MTMR7: variants seen among roughly 807,000 people sequenced by gnomAD.
MTMR7 encodes phosphatidylinositol-3-phosphate phosphatase MTMR7.
Under a neutral mutation model 81.2 loss-of-function variants are expected in MTMR7, and 76 were observed. The ratio of observed to expected loss-of-function variants is 0.94; its 90% CI spans 0.78 to 1.13. The LOEUF (loss-of-function observed/expected upper bound fraction) is 1.13. Among genes scored for constraint, MTMR7 ranks in the 50% most tolerant of loss-of-function variants. The pLI, the probability that MTMR7 is intolerant of heterozygous loss-of-function variation, is 0.00. For missense variants in MTMR7, 1,044 were observed against 820.0 expected (o/e 1.27, Z -3.34); for synonymous variants, 372 against 289.8 (o/e 1.28, Z -2.88).
chr8:17,401,278 G>C (rs376503444), intron 1 of MTMR7, among the ~76,000 whole-genome samples: 79 of 152,232 alleles, frequency 5.2e-4, no homozygotes, highest in Middle Eastern at 3.4e-3. Flanking sequence ...AAAAAAGTGT[G>C]GGAGCAAACC....
At chr8:17,381,206 A>AG (rs1563369719) in intron 1 of MTMR7, among the ~76,000 whole-genome samples, 1 of 151,896 alleles carries the variant, frequency 6.6e-6, no homozygotes, top group African/African-American at 2.4e-5. Flanking sequence ...GGTTAGACTG[A>AG]GGGGAAAAAA....
intron 4 of MTMR7, among the ~76,000 whole-genome samples, chr8:17,350,660 C>T (rs532588763): frequency 3.3e-5 from 5 of 152,294 alleles, no homozygotes; most frequent in Admixed American, 3.3e-4. Flanking sequence ...CCACCTTTAT[C>T]ACTCTGGAAG....
At chr8:17,387,244 T>G (rs527430433) in intron 1 of MTMR7, among the ~76,000 whole-genome samples, 13 of 152,338 alleles carry the variant, frequency 8.5e-5, no homozygotes, top group African/African-American at 3.1e-4. Flanking sequence ...ATCTGTTTCT[T>G]CCTCTACCAA....
rs987287344 is a variant in MTMR7, at chr8:17,297,557, T to TATTTA, written c.*2300_*2304dup. ...CTGGGTCATGGTCAAAATTCTTACC[T>TATTTA]ATTTATTTCATATCAACTTTAAAAA... is the stretch of plus-strand genomic sequence containing the variant. On this transcript the variant is annotated 3_prime_UTR_variant, in exon 14 of 14. Coordinates refer to ENST00000180173, the MANE Select transcript of MTMR7 (RefSeq NM_004686.5). 1 of 47,612 alleles carries TATTTA rather than the reference T, an allele frequency of 2.1e-5. No individual in the cohort carries two copies. The highest frequency in any genetic ancestry group is 3.4e-5 in the Non-Finnish European group (1 of 29,028). 2.9% of individuals were successfully genotyped at this position (47,612 alleles called of 1,614,324 possible). A position where few individuals can be genotyped will look rare whatever the true frequency, so the allele number is the denominator to read the frequency against.
intron 7 of MTMR7, among the ~76,000 whole-genome samples, chr8:17,316,969 G>A (rs555652804): frequency 1.3e-5 from 2 of 152,306 alleles, no homozygotes; most frequent in South Asian, 4.1e-4. Flanking sequence ...TCACCAGTAG[G>A]TTGGGAAAGT....
At chr8:17,354,663 C>G (rs1331189846) in intron 4 of MTMR7, among the ~76,000 whole-genome samples, 1 of 152,144 alleles carries the variant, frequency 6.6e-6, no homozygotes, top group African/African-American at 2.4e-5. Flanking sequence ...CACTTCCTGA[C>G]CCACCGACCT....
At chr8:17,393,889 A>C (rs1427908897) in intron 1 of MTMR7, among the ~76,000 whole-genome samples, 1 of 152,210 alleles carries the variant, frequency 6.6e-6, no homozygotes, top group Non-Finnish European at 1.5e-5. Context: ...AAAATGAACA[A>C]AGAATCTTAA....
rs567400319 is a variant in MTMR7 at position 17,407,416 on chromosome 8, A to T, written c.24+5853T>A. Among the ~76,000 whole-genome samples, 4 of 152,300 alleles carry T rather than the reference A, an allele frequency of 2.6e-5. No homozygotes were observed. The South Asian group carries it at 8.3e-4, about 32-fold the overall frequency. ...GTGTTAAATGACATAACGTTTTCGG[A>T]AAGTCATTTGGTAATATATACCAAC... On this transcript the variant is annotated intron_variant, in intron 1 of 13. Transcript: ENST00000180173.
At chr8:17,318,664 T>C (rs1818224935) in intron 7 of MTMR7, among the ~76,000 whole-genome samples, 2 of 152,176 alleles carry the variant, frequency 1.3e-5, no homozygotes, top group African/African-American at 4.8e-5. Flanking sequence ...TCTGGATGGT[T>C]CCAGGTTAGG....
rs1821271472 is a variant in MTMR7, at chr8:17,396,947, G to C, written c.24+16322C>G. On this transcript the variant is annotated intron_variant, in intron 1 of 13. Coordinates refer to ENST00000180173, the MANE Select transcript of MTMR7 (RefSeq NM_004686.5). ...CCCCCATTCCAGGCCTTAGCTCCCA[G>C]ATGACATTTCTAGACACACCTTGGG... Among the ~76,000 whole-genome samples, 5 of 151,978 alleles carry C rather than the reference G, an allele frequency of 3.3e-5. No individual in the cohort carries two copies. The South Asian group carries it at 8.3e-4, about 25-fold the overall frequency.
At chr8:17,358,260 C>T (rs940334517) in intron 4 of MTMR7, among the ~76,000 whole-genome samples, 1 of 152,032 alleles carries the variant, frequency 6.6e-6, no homozygotes, top group African/African-American at 2.4e-5. Context: ...GAGAAAGAAA[C>T]AGTGGAAATA....
intron 7 of MTMR7, among the ~76,000 whole-genome samples, chr8:17,317,997 CAAG>C (rs1487719897): frequency 6.6e-6 from 1 of 151,894 alleles, no homozygotes; most frequent in African/African-American, 2.4e-5. Context: ...GGAACAGAAA[CAAG>C]AAATTCCTTT....
chr8:17,408,417 A>AAAAAAAAAAAAAT lies in MTMR7; in HGVS notation c.24+4851_24+4852insATTTTTTTTTTTT, dbSNP rs1821653356. 1.3e-5 allele frequency among the ~76,000 whole-genome samples: 2 copies of AAAAAAAAAAAAAT among 151,336 alleles called. 1 individual carries two copies. Among genetic ancestry groups the AAAAAAAAAAAAAT allele is most frequent in the Non-Finnish European group, 2.9e-5 (2 of 67,904 alleles). ...TCTCAAAAAAAAAAAAAAAAAAAAA[A>AAAAAAAAAAAAAT]AGAACATCATGGATTCACCGTCATT... On this transcript the variant is annotated intron_variant, in intron 1 of 13. Coordinates refer to ENST00000180173, the MANE Select transcript of MTMR7 (RefSeq NM_004686.5).
intron 2 of MTMR7, among the ~76,000 whole-genome samples, chr8:17,371,717 T>C (rs911190080): frequency 3.6e-4 from 55 of 152,310 alleles, no homozygotes; most frequent in Middle Eastern, 3.4e-3. Context: ...TTTATCTTTT[T>C]ATTTTTTAAA....
intron 1 of MTMR7, among the ~76,000 whole-genome samples, chr8:17,379,092 T>G (rs73208987): frequency 0.027 from 4,088 of 152,128 alleles, 140 homozygotes; most frequent in African/African-American, 0.081. Context: ...ATAGCAGAGA[T>G]AATATTTTAA....
chr8:17,353,299 G>A (rs981929196), intron 4 of MTMR7, among the ~76,000 whole-genome samples: 2 of 152,114 alleles, frequency 1.3e-5, no homozygotes, highest in African/African-American at 4.8e-5. Flanking sequence ...GTGGGAATGG[G>A]GAGTTGTTTA....
At chr8:17,301,455 A>C (rs568626325) in intron 13 of MTMR7, among the ~76,000 whole-genome samples, 1 of 152,332 alleles carries the variant, frequency 6.6e-6, no homozygotes, top group African/African-American at 2.4e-5. Context: ...AGGAAGGTCT[A>C]AATTGTATAC....
At chr8:17,309,569 T>G (rs1817674529) in intron 9 of MTMR7, among the ~76,000 whole-genome samples, 1 of 152,230 alleles carries the variant, frequency 6.6e-6, no homozygotes, top group Non-Finnish European at 1.5e-5. Flanking sequence ...CCCCACCCGC[T>G]GAATGCTTCC....
chr8:17,328,054 A>G (rs1563336200), intron 7 of MTMR7, among the ~76,000 whole-genome samples: 1 of 152,206 alleles, frequency 6.6e-6, no homozygotes, highest in Non-Finnish European at 1.5e-5. Context: ...TGAAACAATG[A>G]CCAACAGTAT....
Sources: allele counts gnomAD v4.1 joint callset (sites outside exome capture counted in the v4.1 genomes callset), GRCh38; gene constraint gnomAD v4.1.1; transcripts MANE v1.5; gene names NCBI Gene and HGNC (gene_info 2026-07-23, HGNC 2026-07-21).